GRM1: variants seen among roughly 807,000 people sequenced by gnomAD.
GRM1 encodes metabotropic glutamate receptor 1.
GRM1 carries 33 observed loss-of-function variants against 90.9 expected under a neutral mutation model. The observed-to-expected ratio is 0.36, with a 90% CI of 0.28 to 0.49. The LOEUF is 0.49. Ranked by LOEUF, GRM1 falls within the 20% of genes least tolerant of loss-of-function variation. GRM1 has a pLI of 0.99. For synonymous variants in GRM1, 700 were observed against 613.2 expected, an observed-to-expected ratio of 1.14 and a Z score of -2.09; for missense variants, 1,190 against 1,534.3, an observed-to-expected ratio of 0.78 and a Z score of 3.75.
intron 2 of GRM1, among the ~76,000 whole-genome samples, chr6:146,284,912 T>C (rs549461464): frequency 6.6e-6 from 1 of 152,338 alleles, no homozygotes; most frequent in African/African-American, 2.4e-5. Flanking sequence ...AGTCTGCTTT[T>C]TAGCTAGTGA....
chr6:146,139,276 T>C (rs1262139829), intron 1 of GRM1, among the ~76,000 whole-genome samples: 1 of 152,208 alleles, frequency 6.6e-6, no homozygotes, highest in Non-Finnish European at 1.5e-5. Context: ...CTGAGAAGAA[T>C]ATGTATTCTG....
At chr6:146,323,274 T>C (rs1019305065) in intron 3 of GRM1, among the ~76,000 whole-genome samples, 4 of 152,358 alleles carry the variant, frequency 2.6e-5, no homozygotes, top group South Asian at 4.1e-4. Context: ...TTTTTAATGA[T>C]TGCCATTCTA....
At chr6:146,259,094 C>T (rs1443773976) in intron 2 of GRM1, among the ~76,000 whole-genome samples, 1 of 152,248 alleles carries the variant, frequency 6.6e-6, no homozygotes, top group East Asian at 1.9e-4. Flanking sequence ...TGGACTGGTC[C>T]CATCACCTGG....
chr6:146,134,109 G>A (rs952167289), intron 1 of GRM1, among the ~76,000 whole-genome samples: 1 of 152,142 alleles, frequency 6.6e-6, no homozygotes, highest in Non-Finnish European at 1.5e-5. Context: ...TGGTCTACCC[G>A]CTATAGATGC....
At chr6:146,373,512 C>A (rs1775980964) in intron 5 of GRM1, among the ~76,000 whole-genome samples, 1 of 152,108 alleles carries the variant, frequency 6.6e-6, no homozygotes, top group African/African-American at 2.4e-5. Flanking sequence ...AAACCACCCC[C>A]ATGAGTCAAT....
At chr6:146,317,937 C>A (rs757031480) in intron 3 of GRM1, among the ~76,000 whole-genome samples, 2 of 152,158 alleles carry the variant, frequency 1.3e-5, no homozygotes, top group Non-Finnish European at 2.9e-5. Context: ...ATAAACCAGG[C>A]TTAGTACTAT....
At chr6:146,072,410 C>G (rs1164300052) in intron 1 of GRM1, among the ~76,000 whole-genome samples, 1 of 152,118 alleles carries the variant, frequency 6.6e-6, no homozygotes, top group Non-Finnish European at 1.5e-5. Context: ...TAAATGCTCA[C>G]AGAAGATCAA....
intron 2 of GRM1, among the ~76,000 whole-genome samples, chr6:146,221,484 T>C (rs1780060319): frequency 6.6e-6 from 1 of 152,172 alleles, no homozygotes; most frequent in South Asian, 2.1e-4. Context: ...CTGAGAATGA[T>C]GGTTTCCAGC....
At chr6:146,069,058 C>T (rs1432382873) in intron 1 of GRM1, among the ~76,000 whole-genome samples, 1 of 152,124 alleles carries the variant, frequency 6.6e-6, no homozygotes, top group Non-Finnish European at 1.5e-5. Context: ...AACTTATGAT[C>T]TTTTGATGTC....
intron 7 of GRM1, among the ~76,000 whole-genome samples, chr6:146,427,954 G>A (rs1321080633): frequency 6.6e-6 from 1 of 152,218 alleles, no homozygotes; most frequent in African/African-American, 2.4e-5. Flanking sequence ...GGGCCAGAGA[G>A]AGAGGAGAGT....
chr6:146,326,626 T>C lies in GRM1; in HGVS notation c.1186+21780T>C, dbSNP rs1583329850. 3.9e-5 allele frequency among the ~76,000 whole-genome samples: 6 copies of C among 152,108 alleles called. 1 individual carries two copies. The South Asian group carries it at 1.2e-3, about 32-fold the overall frequency. Reference sequence around the variant, plus strand: ...AAATAAAAGTGATATGAATAAATAATAGTAAAATTAATAAGTAGAAAGTAA... The same window carrying C: ...AAATAAAAGTGATATGAATAAATAACAGTAAAATTAATAAGTAGAAAGTAA... On this transcript the variant is annotated intron_variant, in intron 3 of 7. Coordinates refer to ENST00000282753, the MANE Select transcript of GRM1 (RefSeq NM_001278064.2).
intron 2 of GRM1, among the ~76,000 whole-genome samples, chr6:146,185,977 C>G (rs984086041): frequency 6.6e-6 from 1 of 151,330 alleles, no homozygotes; most frequent in Non-Finnish European, 1.5e-5. Context: ...GAGACAGAGT[C>G]TTGCCCTGTC....
chr6:146,426,503 T>C, intron 7 of GRM1: 2 of 1,533,816 alleles, frequency 1.3e-6, no homozygotes, highest in Non-Finnish European at 1.8e-6. Context: ...TTGCCATATC[T>C]GTACACATGT....
intron 1 of GRM1, among the ~76,000 whole-genome samples, chr6:146,098,941 T>C (rs1776959199): frequency 7.4e-6 from 1 of 134,312 alleles, no homozygotes; most frequent in Non-Finnish European, 1.7e-5. Flanking sequence ...CTTTATAAAT[T>C]AACCAGTTTC....
chr6:146,433,525 A>AGTGTGTGTGTGT (rs72224796), intron 7 of GRM1, among the ~76,000 whole-genome samples: 12 of 148,088 alleles, frequency 8.1e-5, no homozygotes, highest in African/African-American at 3.0e-4. Flanking sequence ...GTTTTTCAAA[A>AGTGTGTGTGTGT]GTGTGTGTGT....
chr6:146,372,081 G>T (rs539067735), intron 5 of GRM1, among the ~76,000 whole-genome samples: 9 of 152,222 alleles, frequency 5.9e-5, no homozygotes, highest in Admixed American at 2.0e-4. Flanking sequence ...CCCATGAACA[G>T]TGTACAAGGA....
At chr6:146,398,158 G>A (rs1162998436) in intron 6 of GRM1, among the ~76,000 whole-genome samples, 1 of 152,106 alleles carries the variant, frequency 6.6e-6, no homozygotes, top group African/African-American at 2.4e-5. Context: ...CTAACTCAAA[G>A]GCCCTCAGGT....
chr6:146,158,494 G>A (rs1426179351), intron 1 of GRM1, among the ~76,000 whole-genome samples: 1 of 152,120 alleles, frequency 6.6e-6, no homozygotes, highest in Non-Finnish European at 1.5e-5. Context: ...ACATGTGTGG[G>A]TTACAGGAAA....
intron 1 of GRM1, among the ~76,000 whole-genome samples, chr6:146,091,073 A>C (rs1776699074): frequency 6.6e-6 from 1 of 152,094 alleles, no homozygotes; most frequent in Non-Finnish European, 1.5e-5. Flanking sequence ...CTGTGAATCA[A>C]ACTTGCCTAC....
Sources: gnomAD v4.1 joint callset for allele counts (sites outside exome capture counted in the v4.1 genomes callset) on GRCh38, gnomAD v4.1.1 for gene constraint, MANE v1.5 for transcripts, NCBI Gene and HGNC (gene_info 2026-07-23, HGNC 2026-07-21) for gene names.